The following KCNIP4 variants were observed in gnomAD, a reference collection of about 807,000 sequenced individuals.
KCNIP4 encodes the protein potassium voltage-gated channel interacting protein 4.
KCNIP4 carries 12 observed loss-of-function variants against 34.0 expected under a neutral mutation model. That is an observed-to-expected ratio of 0.35 (90% CI 0.23 to 0.57). KCNIP4 has a LOEUF of 0.57. Ranked by LOEUF, KCNIP4 falls within the 20% of genes least tolerant of loss-of-function variation. The probability of loss-of-function intolerance (pLI) is 0.83; values close to 1 mark genes in which losing one functional copy is unlikely to be tolerated. For missense variants in KCNIP4, 238 were observed against 311.7 expected, an observed-to-expected ratio of 0.76 and a Z score of 1.78; for synonymous variants, 124 against 102.2, an observed-to-expected ratio of 1.21 and a Z score of -1.29.
chr4:21,549,521 A>G (rs542885705), intron 1 of KCNIP4, among the ~76,000 whole-genome samples: 12 of 151,996 alleles, frequency 7.9e-5, no homozygotes, highest in Non-Finnish European at 1.3e-4. Context: ...TTTGCTTTAA[A>G]TAAAAGCTTC....
At chr4:21,893,982 A>G (rs562376910) in intron 1 of KCNIP4, among the ~76,000 whole-genome samples, 44 of 152,150 alleles carry the variant, frequency 2.9e-4, no homozygotes, top group African/African-American at 9.9e-4. Flanking sequence ...CACTTTTATC[A>G]TATATATGCT....
At chr4:21,695,766 G>C (rs772761746) in intron 1 of KCNIP4, among the ~76,000 whole-genome samples, 1 of 152,104 alleles carries the variant, frequency 6.6e-6, no homozygotes, top group Non-Finnish European at 1.5e-5. Flanking sequence ...CCCTATCAGA[G>C]AGGAAAGGAC....
rs191079908 is a variant in KCNIP4, at chr4:21,712,182, T to A, written c.61+236389A>T. On this transcript the variant is annotated intron_variant, in intron 1 of 8. Transcript: ENST00000382152. Reference sequence around the variant, plus strand: ...TACTTAGAGCAATAATAATAAATATTACAGAATAATATAATCCTTCCCGTT... The same window carrying A: ...TACTTAGAGCAATAATAATAAATATAACAGAATAATATAATCCTTCCCGTT... Among the ~76,000 whole-genome samples the A allele has an allele frequency of 1.8e-3, 268 of 152,284 alleles. 10 individuals carry two copies. The South Asian group carries it at 0.037, about 21-fold the overall frequency.
chr4:20,881,638 T>G (rs1724696879), intron 2 of KCNIP4, among the ~76,000 whole-genome samples: 1 of 152,200 alleles, frequency 6.6e-6, no homozygotes, highest in Non-Finnish European at 1.5e-5. Flanking sequence ...TATTTTCTAC[T>G]CTTTAAGAAT....
chr4:21,354,245 G>A (rs990051535), intron 1 of KCNIP4, among the ~76,000 whole-genome samples: 38 of 152,006 alleles, frequency 2.5e-4, no homozygotes, highest in African/African-American at 9.2e-4. Context: ...ATCAATTAAG[G>A]GGCAAAATAA....
intron 1 of KCNIP4, among the ~76,000 whole-genome samples, chr4:21,553,053 C>T (rs1738706230): frequency 6.6e-6 from 1 of 151,346 alleles, no homozygotes; most frequent in South Asian, 2.1e-4. Flanking sequence ...GGGAGTCTCT[C>T]TTAAAAGGGT....
intron 1 of KCNIP4, among the ~76,000 whole-genome samples, chr4:21,474,678 T>C (rs982528551): frequency 2.0e-5 from 3 of 151,666 alleles, no homozygotes; most frequent in African/African-American, 4.8e-5. Flanking sequence ...AGACTTCACA[T>C]GAGGAGGAAA....
intron 1 of KCNIP4, among the ~76,000 whole-genome samples, chr4:21,108,003 C>T (rs181941778): frequency 6.6e-6 from 1 of 150,882 alleles, no homozygotes; most frequent in South Asian, 2.1e-4. Context: ...TTGTGGGTAA[C>T]CCGACCCTTT....
intron 1 of KCNIP4, among the ~76,000 whole-genome samples, chr4:21,158,391 C>CAAAATTTCT (rs1753314305): frequency 6.6e-6 from 1 of 151,958 alleles, no homozygotes; most frequent in Non-Finnish European, 1.5e-5. Flanking sequence ...ACCATTGGTG[C>CAAAATTTCT]AAAATTTCTA....
chr4:21,426,464 A>C (rs1725937209), intron 1 of KCNIP4, among the ~76,000 whole-genome samples: 1 of 152,252 alleles, frequency 6.6e-6, no homozygotes, highest in Admixed American at 6.5e-5. Flanking sequence ...CTCTTGGATA[A>C]AATTGTCAAA....
At chr4:21,326,289 C>CATATATATATAT (rs61553563) in intron 1 of KCNIP4, among the ~76,000 whole-genome samples, 2 of 148,578 alleles carry the variant, frequency 1.3e-5, no homozygotes, top group African/African-American at 4.9e-5. Flanking sequence ...GTTGGATATA[C>CATATATATATAT]ATATATATAT....
At chr4:21,215,806 T>TTGC in intron 1 of KCNIP4, among the ~76,000 whole-genome samples, 1 of 152,180 alleles carries the variant, frequency 6.6e-6, no homozygotes, top group African/African-American at 2.4e-5. Flanking sequence ...TTCTTTGTTG[T>TTGC]TGTTGTTGTT....
chr4:21,249,516 G>A (rs1760535048), intron 1 of KCNIP4, among the ~76,000 whole-genome samples: 2 of 151,892 alleles, frequency 1.3e-5, no homozygotes, highest in Admixed American at 1.3e-4. Flanking sequence ...ACCATGTCAG[G>A]CCTTTTTTTC....
intron 1 of KCNIP4, among the ~76,000 whole-genome samples, chr4:21,562,652 C>CT (rs1560518435): frequency 1.3e-5 from 2 of 151,892 alleles, no homozygotes; most frequent in African/African-American, 2.4e-5. Context: ...AAAACAAAAA[C>CT]TTTTTTTAAA....
chr4:20,951,990 C>A (rs1454659274), intron 1 of KCNIP4, among the ~76,000 whole-genome samples: 2 of 152,294 alleles, frequency 1.3e-5, no homozygotes, highest in Non-Finnish European at 2.9e-5. Flanking sequence ...ACTGCTACAC[C>A]TCTTCCAATA....
At position 21,888,145 on chromosome 4, in the gene KCNIP4, T is replaced by C. The variant is rs563868140; in HGVS notation, c.61+60426A>G. Among the ~76,000 whole-genome samples the C allele has an allele frequency of 2.0e-5, 3 of 152,290 alleles. No individual in the cohort carries two copies. In the East Asian group the frequency reaches 5.8e-4, roughly 29 times the overall value. ...TTAAGGCAGAGAGAAGTTAAGTGAC[T>C]TACCCCAAGGTCTCACAGAGCTGGG... On this transcript the variant is annotated intron_variant, in intron 1 of 8. Coordinates refer to ENST00000382152, the MANE Select transcript of KCNIP4 (RefSeq NM_025221.6).
At chr4:21,901,081 T>C (rs765743179) in intron 1 of KCNIP4, among the ~76,000 whole-genome samples, 14 of 152,352 alleles carry the variant, frequency 9.2e-5, no homozygotes, top group African/African-American at 2.6e-4. Context: ...TTGAGATACA[T>C]TGCCAAGTGC....
chr4:20,816,480 A>G (rs1340141119), intron 3 of KCNIP4, among the ~76,000 whole-genome samples: 2 of 152,192 alleles, frequency 1.3e-5, no homozygotes, highest in Admixed American at 6.5e-5. Context: ...AGACCTCTCC[A>G]GCCATCCTGA....
chr4:21,262,026 C>T (rs1362928434), intron 1 of KCNIP4, among the ~76,000 whole-genome samples: 2 of 152,210 alleles, frequency 1.3e-5, no homozygotes, highest in African/African-American at 4.8e-5. Flanking sequence ...CACATTTCCC[C>T]AGTCTTATCT....
Sources: allele counts gnomAD v4.1 joint callset (sites outside exome capture counted in the v4.1 genomes callset), GRCh38; gene constraint gnomAD v4.1.1; transcripts MANE v1.5; gene names NCBI Gene and HGNC (gene_info 2026-07-23, HGNC 2026-07-21).